The following PRUNE2 variants were observed in gnomAD, a reference collection of about 807,000 sequenced individuals.
PRUNE2 encodes the protein prune homolog 2 with BCH domain, also known as protein prune homolog 2.
In PRUNE2, 164 loss-of-function variants were observed where a neutral mutation model predicts 252.0. The observed-to-expected ratio is 0.65, with a 90% confidence interval of 0.57 to 0.74. The LOEUF is 0.74. PRUNE2 is among the 30% of genes least tolerant of loss of function. PRUNE2 has a pLI of 0.00. For synonymous variants in PRUNE2, 1,292 were observed against 1,350.2 expected (o/e 0.96, Z 0.94); for missense variants, 3,495 against 3,711.0 (o/e 0.94, Z 1.51).
At chr9:76,752,404 C>G (rs913951947) in intron 6 of PRUNE2, among the ~76,000 whole-genome samples, 2 of 152,080 alleles carry the variant, frequency 1.3e-5, no homozygotes, top group Non-Finnish European at 2.9e-5. Flanking sequence ...GCAACTCACT[C>G]AATTCTTAAA....
In PRUNE2 at chr9:76,851,290, G is replaced by A. The variant is rs558589871; in HGVS notation, c.142-625C>T. Among the ~76,000 whole-genome samples, 275 of 152,234 alleles carry A rather than the reference G, an allele frequency of 1.8e-3. 1 individual carries two copies. The highest frequency in any genetic ancestry group is 5.6e-3 in the African/African-American group (231 of 41,532). ...GGGCTGGGTGCGATGGTTCATGCCC[G>A]TAATCCCAGCACTTTGGGAGGCCAA... On this transcript the variant is annotated intron_variant, in intron 2 of 18. Transcript: ENST00000376718.
At position 76,630,366 on chromosome 9, in the gene PRUNE2, A is replaced by G. The variant is rs896964607; in HGVS notation, c.9051-1076T>C. 2.0e-5 allele frequency among the ~76,000 whole-genome samples: 3 copies of G among 152,194 alleles called. No homozygotes were observed. In the South Asian group the frequency reaches 6.2e-4, roughly 32 times the overall value. On this transcript the variant is annotated intron_variant, in intron 15 of 18. Transcript: ENST00000376718. ...TTTGAATTACAAACAGCTTTCATCTAAATGTGTTCGTTTTAGAGATGTGTA... is the reference window on the plus strand; with the variant it reads ...TTTGAATTACAAACAGCTTTCATCTGAATGTGTTCGTTTTAGAGATGTGTA...
chr9:76,892,243 CG>C (rs1341998328), intron 1 of PRUNE2, among the ~76,000 whole-genome samples: 3 of 152,162 alleles, frequency 2.0e-5, no homozygotes, highest in Admixed American at 2.0e-4. Flanking sequence ...TCTAACGTGT[CG>C]GGGTGTAGAC....
At chr9:76,716,033 GAC>G (rs2047122550) in intron 6 of PRUNE2, among the ~76,000 whole-genome samples, 1 of 152,064 alleles carries the variant, frequency 6.6e-6, no homozygotes. Flanking sequence ...CTTGAAAGAA[GAC>G]ACACATTTCT....
intron 6 of PRUNE2, among the ~76,000 whole-genome samples, chr9:76,721,015 G>T (rs1007582878): frequency 1.3e-5 from 2 of 152,110 alleles, no homozygotes; most frequent in Non-Finnish European, 2.9e-5. Context: ...GGCAGGAGAA[G>T]GGCATAAACC....
chr9:76,625,342 C>A (rs1031715418), intron 16 of PRUNE2, among the ~76,000 whole-genome samples: 1 of 152,164 alleles, frequency 6.6e-6, no homozygotes, highest in Non-Finnish European at 1.5e-5. Context: ...ACATGCTGTA[C>A]AGGTGTGTAG....
chr9:76,629,304 AAAG>A lies in PRUNE2; in HGVS notation c.9051-17_9051-15del, dbSNP rs1164079676. 7.8e-6 allele frequency: 11 copies of A among 1,408,378 alleles called. No individual in the cohort carries two copies. The highest frequency in any genetic ancestry group is 2.9e-5 in the African/African-American group (2 of 68,052). 87.2% of individuals were successfully genotyped at this position (1,408,378 alleles called of 1,614,324 possible). A position where few individuals can be genotyped will look rare whatever the true frequency, so the allele number is the denominator to read the frequency against. ...CTGAATTTTGAACTAAAAAAAAAAAAAAGAAAAAAATATGTATCATTAGTCACT... is the reference window on the plus strand; with the variant it reads ...CTGAATTTTGAACTAAAAAAAAAAAAAAAAAAATATGTATCATTAGTCACT... On this transcript the variant is annotated splice_polypyrimidine_tract_variant and intron_variant, in intron 15 of 18. Transcript: ENST00000376718.
rs1421358591 is a variant in PRUNE2 at position 76,684,477 on chromosome 9, CT to C, written c.8276+18859del. ...TCCTGTCTCAGTCTCATTTCCTCCA[CT>C]TTCCCAATGGTTGGGGTCTAACAGA... On this transcript the variant is annotated intron_variant, in intron 9 of 18. Coordinates refer to ENST00000376718, the MANE Select transcript of PRUNE2 (RefSeq NM_015225.3). Among the ~76,000 whole-genome samples the C allele has an allele frequency of 2.6e-5, 4 of 152,324 alleles. No individual in the cohort carries two copies. In the East Asian group the frequency reaches 7.7e-4, roughly 29 times the overall value.
intron 9 of PRUNE2, among the ~76,000 whole-genome samples, chr9:76,696,114 G>A (rs954894644): frequency 6.6e-5 from 10 of 152,112 alleles, no homozygotes; most frequent in East Asian, 5.8e-4. Flanking sequence ...TGTCTCCGAC[G>A]TCAGCAAGTA....
At chr9:76,723,300 T>A (rs2047805620) in intron 6 of PRUNE2, among the ~76,000 whole-genome samples, 1 of 152,204 alleles carries the variant, frequency 6.6e-6, no homozygotes, top group Non-Finnish European at 1.5e-5. Context: ...TCCAGAAGTA[T>A]CCTCACGTAG....
chr9:76,671,162 T>G (rs962205932), intron 9 of PRUNE2, among the ~76,000 whole-genome samples: 1 of 147,542 alleles, frequency 6.8e-6, no homozygotes, highest in Non-Finnish European at 1.5e-5. Flanking sequence ...TGAAAAAAAT[T>G]TAGAAGAATG....
intron 9 of PRUNE2, among the ~76,000 whole-genome samples, chr9:76,676,562 C>T (rs964448070): frequency 5.3e-5 from 8 of 151,740 alleles, no homozygotes; most frequent in African/African-American, 7.3e-5. Flanking sequence ...GGTACAGGGG[C>T]GAAAGGAATT....
chr9:76,818,501 A>G (rs2057832342), intron 6 of PRUNE2, among the ~76,000 whole-genome samples: 1 of 152,130 alleles, frequency 6.6e-6, no homozygotes, highest in African/African-American at 2.4e-5. Flanking sequence ...GGGCAGAATG[A>G]GTCAGCGGCC....
chr9:76,706,109 G>A lies in PRUNE2; in HGVS notation c.6165C>T (p.Gly2055=). ...CCAGCTGCCCACCCTCTTGAAAGTT[G>A]CCATGTAAAATATCTGGCACAAAGG... ...RGTFVPDILH[G]NFQEGGQLAS... Residue 2055 remains glycine, a synonymous_variant, in exon 8 of 19, where the codon GGC becomes GGT. Transcript: ENST00000376718. 1 of 1,613,998 alleles carries A rather than the reference G, an allele frequency of 6.2e-7. No individual in the cohort carries two copies. The highest frequency in any genetic ancestry group is 8.5e-7 in the Non-Finnish European group (1 of 1,179,878).
chr9:76,703,771 CA>C lies in PRUNE2; in HGVS notation c.7841del (p.Met2614SerfsTer67). On this transcript the variant is annotated frameshift_variant, in exon 9 of 19. Coordinates refer to ENST00000376718, the MANE Select transcript of PRUNE2 (RefSeq NM_015225.3). LOFTEE classifies it high-confidence loss of function. ...ATGATCTCGTATCGCTTTTAGAAGA[CA>C]TTTTCTCTGCAGAGAGACCTTTTCT... is the stretch of plus-strand genomic sequence containing the variant. ...NERKGLSAEK[M>X]SSKSDTRSSF... 6.2e-7 allele frequency: 1 copy of C among 1,613,782 alleles called. No individual in the cohort carries two copies. The highest frequency in any genetic ancestry group is 8.5e-7 in the Non-Finnish European group (1 of 1,179,866).
At chr9:76,657,326 C>T (rs1283394342) in intron 9 of PRUNE2, among the ~76,000 whole-genome samples, 2 of 152,154 alleles carry the variant, frequency 1.3e-5, no homozygotes, top group Non-Finnish European at 2.9e-5. Context: ...AGTTATCTGC[C>T]TAAGAGTCAA....
chr9:76,785,405 C>T (rs917826317), intron 6 of PRUNE2: 19 of 152,130 alleles, frequency 1.2e-4, no homozygotes, highest in Non-Finnish European at 2.4e-4. Context: ...TTATGGGGCA[C>T]GTTTGTAAGC....
At chr9:76,811,196 T>C (rs1446065299) in intron 6 of PRUNE2, among the ~76,000 whole-genome samples, 2 of 152,222 alleles carry the variant, frequency 1.3e-5, no homozygotes, top group South Asian at 4.1e-4. Context: ...ACTTTAAAAA[T>C]GTATTTACAG....
At chr9:76,817,421 T>C (rs187470597) in intron 6 of PRUNE2, among the ~76,000 whole-genome samples, 1 of 152,368 alleles carries the variant, frequency 6.6e-6, no homozygotes, top group African/African-American at 2.4e-5. Flanking sequence ...TTCCTTTTCA[T>C]GGGCACATCT....
Sources: allele counts gnomAD v4.1 joint callset (sites outside exome capture counted in the v4.1 genomes callset), GRCh38; gene constraint gnomAD v4.1.1; transcripts MANE v1.5; gene names NCBI Gene and HGNC (gene_info 2026-07-23, HGNC 2026-07-21).